Variants in GGTA1 observed in about 807,000 individuals in gnomAD.
GGTA1 encodes the protein glycoprotein alpha-galactosyltransferase 1 (inactive), also known as inactive N-acetyllactosaminide alpha-1,3-galactosyltransferase.
A neutral mutation model predicts 2.6 loss-of-function variants in GGTA1; 5 were observed. The ratio of observed to expected loss-of-function variants is 1.92; its 90% confidence interval spans 1.00 to 4.04. The LOEUF is 4.04. GGTA1 is among the 30% of genes most tolerant of loss of function. The pLI is 0.00. For missense variants in GGTA1, 50 were observed against 16.7 expected, an observed-to-expected ratio of 2.99 and a Z score of -3.47; for synonymous variants, 17 against 5.0, an observed-to-expected ratio of 3.38 and a Z score of -3.19.
At chr9:121,492,909 C>T (rs997512039) in intron 1 of GGTA1, among the ~76,000 whole-genome samples, 2 of 151,676 alleles carry the variant, frequency 1.3e-5, no homozygotes, top group Admixed American at 1.3e-4. Context: ...TTTAGGAGGC[C>T]GAAGCAGGCA....
At chr9:121,468,603 C>T (rs1190988401) in intron 1 of GGTA1, among the ~76,000 whole-genome samples, 1 of 152,206 alleles carries the variant, frequency 6.6e-6, no homozygotes, top group Non-Finnish European at 1.5e-5. Context: ...ACACTGTCTT[C>T]CACAATGGTT....
chr9:121,493,120 C>A (rs946215892), intron 1 of GGTA1, among the ~76,000 whole-genome samples: 11 of 149,904 alleles, frequency 7.3e-5, no homozygotes, highest in Non-Finnish European at 1.5e-5. Flanking sequence ...GGTGACGGAA[C>A]GAGACTCTGT....
At chr9:121,445,959 T>G (rs991210601) in exon 8 of GGTA1, 10 of 152,192 alleles carry the variant, frequency 6.6e-5, no homozygotes, top group African/African-American at 2.4e-4. Context: ...CTGCAGGCCT[T>G]TGCCTTCTCT....
At chr9:121,479,265 A>G in intron 1 of GGTA1, 2 of 372,956 alleles carry the variant, frequency 5.4e-6, no homozygotes, top group Non-Finnish European at 1.1e-5. Flanking sequence ...CAAAACAACA[A>G]AGTTCTTTTG....
chr9:121,473,319 C>CAAAAAAA (rs10712323), intron 1 of GGTA1, among the ~76,000 whole-genome samples: 5 of 96,410 alleles, frequency 5.2e-5, no homozygotes, highest in African/African-American at 1.7e-4. Flanking sequence ...GACTCCATCT[C>CAAAAAAA]AAAAAAAAAA....
chr9:121,482,820 G>A (rs1828680705), intron 1 of GGTA1, among the ~76,000 whole-genome samples: 1 of 151,856 alleles, frequency 6.6e-6, no homozygotes, highest in African/African-American at 2.4e-5. Flanking sequence ...GGTGGCACGT[G>A]TTGTAGTCCC....
intron 7 of GGTA1, among the ~76,000 whole-genome samples, chr9:121,447,763 G>T (rs1230305820): frequency 6.6e-6 from 1 of 152,010 alleles, no homozygotes; most frequent in African/African-American, 2.4e-5. Context: ...TGGTTAGTAG[G>T]AGAATGATTT....
intron 1 of GGTA1, among the ~76,000 whole-genome samples, chr9:121,492,566 C>G (rs552911333): frequency 3.9e-5 from 6 of 152,080 alleles, no homozygotes; most frequent in Non-Finnish European, 5.9e-5. Context: ...CTCCACGTCC[C>G]GGGTTCAAGT....
At chr9:121,469,315 G>GA (rs746106380) in intron 1 of GGTA1, among the ~76,000 whole-genome samples, 3 of 152,152 alleles carry the variant, frequency 2.0e-5, no homozygotes, top group Non-Finnish European at 2.9e-5. Flanking sequence ...GCTGACAGGT[G>GA]AAAAAACTTC....
chr9:121,467,670 G>A (rs1006926462), intron 2 of GGTA1, among the ~76,000 whole-genome samples, 173 bp downstream of exon 2: 2 of 152,174 alleles, frequency 1.3e-5, no homozygotes, highest in African/African-American at 2.4e-5. Flanking sequence ...ACTTGGGAGA[G>A]CTAATGATTT....
At chr9:121,445,159 C>T (rs1250867690) in exon 8 of GGTA1, 1 of 152,182 alleles carries the variant, frequency 6.6e-6, no homozygotes, top group Admixed American at 6.5e-5. Context: ...TTGCTCTAAA[C>T]TTTCAGGCTA....
intron 2 of GGTA1, among the ~76,000 whole-genome samples, chr9:121,466,339 C>G (rs16910642): frequency 0.062 from 9,480 of 152,218 alleles, 349 homozygotes; most frequent in East Asian, 0.11. Context: ...CCTCAGTTGC[C>G]TAAGAGAGTT....
chr9:121,460,329 C>G (rs2064950043), intron 4 of GGTA1, 110 bp from the exon 5 acceptor site: 1 of 407,722 alleles, frequency 2.5e-6, no homozygotes, highest in Non-Finnish European at 4.9e-6. Flanking sequence ...TATGCATGCA[C>G]TAAGTGAACT....
At chr9:121,481,152 CA>C (rs56784223) in intron 1 of GGTA1, among the ~76,000 whole-genome samples, 2,402 of 78,446 alleles carry the variant, frequency 0.031, 44 homozygotes, top group African/African-American at 0.066. Flanking sequence ...GACACCATCT[CA>C]AAAAAAAAAA....
At chr9:121,498,406 C>G (rs1399114122) in intron 1 of GGTA1, among the ~76,000 whole-genome samples, 1 of 152,184 alleles carries the variant, frequency 6.6e-6, no homozygotes, top group Non-Finnish European at 1.5e-5. Flanking sequence ...TAGAAAGTGC[C>G]TGATGTAGTC....
At chr9:121,447,944 C>A (rs1218458458) in intron 7 of GGTA1, among the ~76,000 whole-genome samples, 1 of 152,252 alleles carries the variant, frequency 6.6e-6, no homozygotes, top group Admixed American at 6.5e-5. Context: ...CTCTTAGGAG[C>A]CAGCCAGTCC....
intron 1 of GGTA1, among the ~76,000 whole-genome samples, chr9:121,488,782 G>C (rs1314760151): frequency 2.0e-5 from 3 of 150,670 alleles, no homozygotes; most frequent in African/African-American, 7.3e-5. Context: ...GGTGGTGCAT[G>C]CCTGTAATCT....
At chr9:121,470,448 C>T (rs1828365374) in intron 1 of GGTA1, among the ~76,000 whole-genome samples, 1 of 152,110 alleles carries the variant, frequency 6.6e-6, no homozygotes, top group Admixed American at 6.5e-5. Flanking sequence ...TCTACACACT[C>T]CTAAATGGAG....
At chr9:121,493,150 A>T (rs75403471) in intron 1 of GGTA1, among the ~76,000 whole-genome samples, 2 of 148,630 alleles carry the variant, frequency 1.3e-5, no homozygotes, top group Non-Finnish European at 3.0e-5. Flanking sequence ...AAAAAAAAAA[A>T]GGAACTGATT....
Sources: gnomAD v4.1 joint callset for allele counts (sites outside exome capture counted in the v4.1 genomes callset) on GRCh38, gnomAD v4.1.1 for gene constraint, MANE v1.5 for transcripts, NCBI Gene and HGNC (gene_info 2026-07-23, HGNC 2026-07-21) for gene names.